The following MAGI1 variants were observed in gnomAD, a reference collection of about 807,000 sequenced individuals.
The protein encoded by MAGI1 is membrane associated guanylate kinase, WW and PDZ domain containing 1.
Under a neutral mutation model 139.9 loss-of-function variants are expected in MAGI1, and 58 were observed. That is an observed-to-expected ratio of 0.41 (90% confidence interval 0.34 to 0.52). The LOEUF (loss-of-function observed/expected upper bound fraction) is 0.52. Among genes scored for constraint, MAGI1 ranks in the 20% least tolerant of loss-of-function variants. The pLI, the probability that MAGI1 is intolerant of heterozygous loss-of-function variation, is 0.12. For missense variants in MAGI1, 1,874 were observed against 1,901.6 expected, an observed-to-expected ratio of 0.99 and a Z score of 0.27; for synonymous variants, 812 against 737.9, an observed-to-expected ratio of 1.10 and a Z score of -1.63.
chr3:65,436,312 C>T (rs899331309), intron 10 of MAGI1, among the ~76,000 whole-genome samples: 48 of 152,178 alleles, frequency 3.2e-4, no homozygotes, highest in African/African-American at 1.2e-3. Context: ...TTCTGTACCA[C>T]AAACATCCCC....
chr3:65,615,109 C>T (rs2083304087), intron 2 of MAGI1, among the ~76,000 whole-genome samples: 1 of 151,838 alleles, frequency 6.6e-6, no homozygotes, highest in Admixed American at 6.6e-5. Flanking sequence ...ATAGAAGTAA[C>T]TGACATGGAC....
rs3077818 is a variant in MAGI1, at chr3:65,819,875, C to CAAAAA, written c.314-197792_314-197788dup. Among the ~76,000 whole-genome samples the CAAAAA allele has an allele frequency of 4.0e-3, 134 of 33,458 alleles. 8 individuals are homozygous for CAAAAA. The highest frequency in any genetic ancestry group is 5.1e-3 in the Non-Finnish European group (80 of 15,626). The allele number at this position is 33,458 out of a possible 152,430, so 21.9% of individuals were successfully genotyped here. ...CTAGCCACAGAGCAAGACTCCATCT[C>CAAAAA]AAAAAAAAAAAAAAAAAAAAAAGGA... On this transcript the variant is annotated intron_variant, in intron 1 of 22. Coordinates refer to ENST00000402939, the MANE Select transcript of MAGI1 (RefSeq NM_001033057.2).
chr3:65,557,145 C>A (rs972670500), intron 2 of MAGI1, among the ~76,000 whole-genome samples: 3 of 152,222 alleles, frequency 2.0e-5, no homozygotes, highest in African/African-American at 7.2e-5. Flanking sequence ...TGTGTATTGT[C>A]TTCCCACAGC....
chr3:65,960,452 G>A (rs1279805331), intron 1 of MAGI1, among the ~76,000 whole-genome samples: 1 of 152,128 alleles, frequency 6.6e-6, no homozygotes, highest in Non-Finnish European at 1.5e-5. Flanking sequence ...CTGAAGAAGG[G>A]TGGGCAAGAC....
At chr3:65,870,004 A>T (rs1205500748) in intron 1 of MAGI1, among the ~76,000 whole-genome samples, 1 of 152,208 alleles carries the variant, frequency 6.6e-6, no homozygotes, top group Non-Finnish European at 1.5e-5. Flanking sequence ...TTCATAGCTC[A>T]GGCCATTGAT....
At chr3:65,733,362 G>A (rs2034391406) in intron 1 of MAGI1, among the ~76,000 whole-genome samples, 1 of 152,082 alleles carries the variant, frequency 6.6e-6, no homozygotes, top group Admixed American at 6.5e-5. Flanking sequence ...GCCCAGCTGT[G>A]TTTTGTGTTT....
chr3:65,554,158 T>TA, intron 2 of MAGI1, among the ~76,000 whole-genome samples: 1 of 152,280 alleles, frequency 6.6e-6, no homozygotes, highest in African/African-American at 2.4e-5. Flanking sequence ...CAAGAACCAG[T>TA]ATTCACCTCC....
At chr3:65,740,619 A>G (rs1363506246) in intron 1 of MAGI1, among the ~76,000 whole-genome samples, 2 of 152,242 alleles carry the variant, frequency 1.3e-5, no homozygotes, top group Non-Finnish European at 2.9e-5. Flanking sequence ...GGGAGAAACG[A>G]TGGAAAACTT....
At chr3:65,715,761 T>C (rs1020498940) in intron 1 of MAGI1, among the ~76,000 whole-genome samples, 1 of 152,252 alleles carries the variant, frequency 6.6e-6, no homozygotes. Flanking sequence ...CAATGAAATA[T>C]TTATGTGCAC....
chr3:65,812,176 T>G (rs1044921648), intron 1 of MAGI1, among the ~76,000 whole-genome samples: 1 of 152,122 alleles, frequency 6.6e-6, no homozygotes, highest in Non-Finnish European at 1.5e-5. Flanking sequence ...AAATACTTTT[T>G]TTAAGTGTAG....
chr3:65,791,125 C>T (rs530947409), intron 1 of MAGI1, among the ~76,000 whole-genome samples: 10 of 152,246 alleles, frequency 6.6e-5, no homozygotes, highest in East Asian at 1.9e-4. Flanking sequence ...ATGCTTTATA[C>T]GTGCAATTCT....
At chr3:65,701,982 C>A (rs143612814) in intron 1 of MAGI1, among the ~76,000 whole-genome samples, 2 of 152,092 alleles carry the variant, frequency 1.3e-5, no homozygotes, top group Admixed American at 1.3e-4. Context: ...TATTCCCCGA[C>A]GCTTGTTATT....
At chr3:65,555,082 G>A (rs573918961) in intron 2 of MAGI1, among the ~76,000 whole-genome samples, 1 of 152,276 alleles carries the variant, frequency 6.6e-6, no homozygotes, top group South Asian at 2.1e-4. Flanking sequence ...GCTGAGAGGA[G>A]AATAAATGGG....
chr3:65,842,823 T>A (rs2058853310), intron 1 of MAGI1, among the ~76,000 whole-genome samples: 1 of 152,258 alleles, frequency 6.6e-6, no homozygotes, highest in African/African-American at 2.4e-5. Context: ...GACCTACTGC[T>A]CTTTATTCAG....
chr3:65,764,622 C>T (rs2037320279), intron 1 of MAGI1, among the ~76,000 whole-genome samples: 1 of 152,154 alleles, frequency 6.6e-6, no homozygotes, highest in Admixed American at 6.5e-5. Flanking sequence ...CTACAGAATG[C>T]TTAGGGGAAA....
At chr3:65,752,596 G>A (rs2036241121) in intron 1 of MAGI1, among the ~76,000 whole-genome samples, 2 of 152,286 alleles carry the variant, frequency 1.3e-5, no homozygotes, top group African/African-American at 4.8e-5. Flanking sequence ...ATGGTGTCAT[G>A]CAGGCATGTA....
intron 1 of MAGI1, among the ~76,000 whole-genome samples, chr3:66,015,018 A>C (rs1208368030): frequency 6.6e-6 from 1 of 151,920 alleles, no homozygotes; most frequent in Admixed American, 6.6e-5. Flanking sequence ...AGCACTGTTT[A>C]ATCCTGCCCC....
rs75507302 is a variant in MAGI1 at position 65,486,518 on chromosome 3, A to C, written c.550+6994T>G. On this transcript the variant is annotated intron_variant, in intron 3 of 22. Transcript: ENST00000402939. ...AAGCAAGGGAAAAGGGAAATGGTTC[A>C]GCTGATTTATTTTAAGCACCATATC... 7.4e-3 allele frequency among the ~76,000 whole-genome samples: 1,130 copies of C among 152,340 alleles called. 14 individuals are homozygous for C. The highest frequency in any genetic ancestry group is 0.026 in the African/African-American group (1,080 of 41,562).
intron 1 of MAGI1, among the ~76,000 whole-genome samples, chr3:65,889,283 C>A (rs1359344650): frequency 2.0e-5 from 3 of 152,134 alleles, no homozygotes; most frequent in Admixed American, 6.5e-5. Flanking sequence ...AGAATGTGGG[C>A]AAGGAGATGG....
Sources: allele counts gnomAD v4.1 joint callset (sites outside exome capture counted in the v4.1 genomes callset), GRCh38; gene constraint gnomAD v4.1.1; transcripts MANE v1.5; gene names NCBI Gene and HGNC (gene_info 2026-07-23, HGNC 2026-07-21).